MS4A13: variants seen among roughly 807,000 people sequenced by gnomAD.
The protein encoded by MS4A13 is membrane spanning 4-domains A13.
MS4A13 carries 21 observed loss-of-function variants against 18.4 expected under a neutral mutation model. The observed-to-expected ratio is 1.14, with a 90% CI of 0.81 to 1.64. The LOEUF is 1.64. Ranked by LOEUF, MS4A13 falls within the 40% of genes most tolerant of loss-of-function variation. The pLI is 0.00. For synonymous variants in MS4A13, 62 were observed against 57.2 expected (o/e 1.08, Z -0.38); for missense variants, 173 against 176.8 (o/e 0.98, Z 0.12).
At chr11:60,527,410 C>CTCTCTCTGTGTGTGTGTGTGTG (rs1555024373) in intron 5 of MS4A13, among the ~76,000 whole-genome samples, 4 of 28,788 alleles carry the variant, frequency 1.4e-4, no homozygotes, top group Middle Eastern at 0.038. Flanking sequence ...CTCTCTCTCT[C>CTCTCTCTGTGTGTGTGTGTGTG]TGTGTGTGTG....
At chr11:60,527,741 C>T (rs942800737) in intron 5 of MS4A13, among the ~76,000 whole-genome samples, 1 of 151,960 alleles carries the variant, frequency 6.6e-6, no homozygotes, top group Non-Finnish European at 1.5e-5. Flanking sequence ...GAGGCTAAGG[C>T]ACGAGAATCG....
chr11:60,526,086 C>G (rs1332270838), intron 5 of MS4A13, among the ~76,000 whole-genome samples: 1 of 152,106 alleles, frequency 6.6e-6, no homozygotes, highest in East Asian at 1.9e-4. Flanking sequence ...TCCTCCCCTA[C>G]ACACTTTCAC....
chr11:60,522,426 A>G (rs1371735390), intron 3 of MS4A13, among the ~76,000 whole-genome samples: 1 of 152,068 alleles, frequency 6.6e-6, no homozygotes, highest in African/African-American at 2.4e-5. Context: ...TGAGTTATAG[A>G]AACTGACATG....
chr11:60,523,802 C>G lies in MS4A13; in HGVS notation c.130-95C>G, dbSNP rs943282007. 4.0e-6 allele frequency: 3 copies of G among 758,556 alleles called. No individual in the cohort carries two copies. The African/African-American group carries it at 5.3e-5, about 13-fold the overall frequency. The allele number at this position is 758,556 out of a possible 1,614,324, so 47.0% of individuals were successfully genotyped here. A position where few individuals can be genotyped will look rare whatever the true frequency, so the allele number is the denominator to read the frequency against. ...TGTATATTTTGTTACTATTAGCATT[C>G]TTAAAATAATTGACTTACAAGAGAG... On this transcript the variant is annotated intron_variant, in intron 3 of 6. Coordinates refer to ENST00000378186, the MANE Select transcript of MS4A13 (RefSeq NM_001012417.3).
At chr11:60,522,239 G>GATAGGTGTATATATATATATATCTATAT (rs55942628) in intron 3 of MS4A13, among the ~76,000 whole-genome samples, 11 of 133,890 alleles carry the variant, frequency 8.2e-5, no homozygotes, top group African/African-American at 3.1e-4. Flanking sequence ...TAGATAGATA[G>GATAGGTGTATATATATATATATCTATAT]ATGTATATAT....
At chr11:60,531,136 T>A (rs1175683195) in intron 6 of MS4A13, among the ~76,000 whole-genome samples, 1 of 152,190 alleles carries the variant, frequency 6.6e-6, no homozygotes, top group Non-Finnish European at 1.5e-5. Flanking sequence ...CCCAGCAGCC[T>A]CATTGCTTGA....
rs370691746 is a variant in MS4A13, at chr11:60,518,296, A to G, written c.129+84A>G. Reference sequence around the variant, plus strand: ...GTAGAAGGTAGGGAACGGTTTCTGAACAAGGTTTTCAGGAGAATTATGTAA... The same window carrying G: ...GTAGAAGGTAGGGAACGGTTTCTGAGCAAGGTTTTCAGGAGAATTATGTAA... On this transcript the variant is annotated intron_variant, in intron 3 of 6. Coordinates refer to ENST00000378186, the MANE Select transcript of MS4A13 (RefSeq NM_001012417.3). 44 of 1,181,410 alleles carry G rather than the reference A, an allele frequency of 3.7e-5. No homozygotes were observed. The East Asian group carries it at 7.8e-4, about 21-fold the overall frequency. The allele number at this position is 1,181,410 out of a possible 1,614,324, so 73.2% of individuals were successfully genotyped here. A position where few individuals can be genotyped will look rare whatever the true frequency, so the allele number is the denominator to read the frequency against.
At chr11:60,538,261 C>T (rs922877291) in intron 6 of MS4A13, among the ~76,000 whole-genome samples, 23 of 150,670 alleles carry the variant, frequency 1.5e-4, no homozygotes, top group South Asian at 1.3e-3. Context: ...GGCTGGGGGC[C>T]GATGGGGCAT....
At chr11:60,541,159 C>T (rs932226297) in intron 6 of MS4A13, among the ~76,000 whole-genome samples, 1 of 152,172 alleles carries the variant, frequency 6.6e-6, no homozygotes, top group Non-Finnish European at 1.5e-5. Context: ...AAATATCTCT[C>T]AAACTCCTAG....
At chr11:60,539,816 G>A (rs1172013505) in intron 6 of MS4A13, among the ~76,000 whole-genome samples, 2 of 152,164 alleles carry the variant, frequency 1.3e-5, no homozygotes, top group Non-Finnish European at 2.9e-5. Flanking sequence ...ATATTAAAGT[G>A]CAGGGGGAAA....
chr11:60,522,512 C>A (rs2086684467), intron 3 of MS4A13, among the ~76,000 whole-genome samples: 1 of 151,996 alleles, frequency 6.6e-6, no homozygotes, highest in Non-Finnish European at 1.5e-5. Context: ...ACACTTCGAA[C>A]AGATGGAATG....
intron 6 of MS4A13, among the ~76,000 whole-genome samples, chr11:60,541,312 A>G (rs931906166): frequency 6.6e-6 from 1 of 152,200 alleles, no homozygotes; most frequent in African/African-American, 2.4e-5. Context: ...ATTAAGATAA[A>G]CTTCCAGGAA....
Position 60,542,474 on chromosome 11 carries a change from A to T in MS4A13, c.403-45A>T, listed in dbSNP as rs4939400. On this transcript the variant is annotated intron_variant, in intron 6 of 6. Transcript: ENST00000378186. ...AAGATCTATTTATTAGTTGTATAAT[A>T]TTAAGAAACATGATATGATTTGTAA... 1,341,805 of 1,355,168 alleles carry T rather than the reference A, an allele frequency of 0.99. 665,221 individuals are homozygous for T. Among genetic ancestry groups the T allele is most frequent in the East Asian group, 1 (42,648 of 42,648 alleles). The allele number at this position is 1,355,168 out of a possible 1,614,324, so 83.9% of individuals were successfully genotyped here.
At chr11:60,538,868 G>A (rs981155878) in intron 6 of MS4A13, among the ~76,000 whole-genome samples, 6 of 131,728 alleles carry the variant, frequency 4.6e-5, no homozygotes, top group Admixed American at 1.6e-4. Context: ...CATGATAAGG[G>A]TTGAATGCAT....
At position 60,532,046 on chromosome 11, in the gene MS4A13, A is replaced by T. The variant is rs1176374646; in HGVS notation, c.402+2586A>T. Among the ~76,000 whole-genome samples, 5 of 152,218 alleles carry T rather than the reference A, an allele frequency of 3.3e-5. No homozygotes were observed. In the South Asian group the frequency reaches 8.3e-4, roughly 25 times the overall value. On this transcript the variant is annotated intron_variant, in intron 6 of 6. Transcript: ENST00000378186. ...TTCAACAACAAAAAGTATGCAAATA[A>T]TAATAGTTACCCATAGGGTTCAAAA...
chr11:60,518,752 A>G (rs1286170813), intron 3 of MS4A13, among the ~76,000 whole-genome samples: 2 of 152,232 alleles, frequency 1.3e-5, no homozygotes, highest in Admixed American at 6.5e-5. Flanking sequence ...CGAATTGACC[A>G]TTGGATTTAG....
chr11:60,515,694 T>A (rs2086632680), intron 1 of MS4A13, 87 bp downstream of exon 1: 1 of 152,230 alleles, frequency 6.6e-6, no homozygotes, highest in Non-Finnish European at 1.5e-5. Flanking sequence ...CTCCCTATCA[T>A]ACTCTGTAAA....
intron 6 of MS4A13, among the ~76,000 whole-genome samples, chr11:60,532,506 G>A (rs1205457277): frequency 1.3e-5 from 2 of 152,188 alleles, no homozygotes; most frequent in Non-Finnish European, 2.9e-5. Flanking sequence ...TCCCACACCT[G>A]GCTCAGAGGG....
intron 3 of MS4A13, among the ~76,000 whole-genome samples, chr11:60,520,177 G>A (rs2086664242): frequency 6.6e-6 from 1 of 152,108 alleles, no homozygotes; most frequent in Non-Finnish European, 1.5e-5. Context: ...TGGGGGGGTG[G>A]CGAGTCATTC....
Sources: allele counts gnomAD v4.1 joint callset (sites outside exome capture counted in the v4.1 genomes callset), GRCh38; gene constraint gnomAD v4.1.1; transcripts MANE v1.5; gene names NCBI Gene and HGNC (gene_info 2026-07-23, HGNC 2026-07-21).